Variants in PEBP4 observed in about 807,000 individuals in gnomAD.
PEBP4 encodes the protein phosphatidylethanolamine binding protein 4, also known as phosphatidylethanolamine-binding protein 4.
A neutral mutation model predicts 23.9 loss-of-function variants in PEBP4; 22 were observed. That is an observed-to-expected ratio of 0.92 (90% CI 0.66 to 1.31). The LOEUF is 1.31. PEBP4 is among the 40% of genes most tolerant of loss of function. The pLI is 0.00. For missense variants in PEBP4, 324 were observed against 281.7 expected, an observed-to-expected ratio of 1.15 and a Z score of -1.07; for synonymous variants, 112 against 99.3, an observed-to-expected ratio of 1.13 and a Z score of -0.76.
chr8:22,879,216 C>G (rs980970758), intron 3 of PEBP4: 1 of 152,242 alleles, frequency 6.6e-6, no homozygotes, highest in Non-Finnish European at 1.5e-5. Flanking sequence ...GGCCTCAACG[C>G]TCTCAATGTT....
At chr8:22,879,919 A>G (rs954913002) in intron 3 of PEBP4, among the ~76,000 whole-genome samples, 1 of 152,190 alleles carries the variant, frequency 6.6e-6, no homozygotes, top group Non-Finnish European at 1.5e-5. Flanking sequence ...TGGCACACAG[A>G]GGGGTATGTT....
intron 3 of PEBP4, among the ~76,000 whole-genome samples, chr8:22,881,202 G>T (rs925983810): frequency 1.3e-5 from 2 of 152,240 alleles, no homozygotes; most frequent in African/African-American, 2.4e-5. Context: ...GGATGCCCCA[G>T]TTTCTGGACT....
Position 22,822,352 on chromosome 8 carries a change from A to G in PEBP4, c.259-4617T>C, listed in dbSNP as rs1343459984. On this transcript the variant is annotated intron_variant, in intron 3 of 6. Coordinates refer to ENST00000256404, the MANE Select transcript of PEBP4 (RefSeq NM_144962.3). ...TAGGTGAAAAGAAGGAATATATACT[A>G]AAGTGTGTGTGTGTGTGTGTGTGTG... Among the ~76,000 whole-genome samples the G allele has an allele frequency of 5.9e-5, 5 of 84,744 alleles. No homozygotes were observed. The East Asian group carries it at 2.4e-3, about 41-fold the overall frequency. The allele number at this position is 84,744 out of a possible 152,430, so 55.6% of individuals were successfully genotyped here. A position where few individuals can be genotyped will look rare whatever the true frequency, so the allele number is the denominator to read the frequency against.
intron 3 of PEBP4, among the ~76,000 whole-genome samples, chr8:22,843,163 T>C (rs1490599905): frequency 1.3e-5 from 2 of 151,598 alleles, no homozygotes; most frequent in African/African-American, 4.9e-5. Flanking sequence ...AGGGTTTCTA[T>C]GTTTTGGCCA....
intron 3 of PEBP4, among the ~76,000 whole-genome samples, chr8:22,842,655 A>AC (rs2128765877): frequency 6.6e-6 from 1 of 152,236 alleles, no homozygotes; most frequent in Non-Finnish European, 1.5e-5. Flanking sequence ...CTGCACAGCC[A>AC]TAGGAAGGGT....
At chr8:22,815,620 A>T (rs141824626) in intron 4 of PEBP4, among the ~76,000 whole-genome samples, 3 of 152,212 alleles carry the variant, frequency 2.0e-5, no homozygotes, top group Non-Finnish European at 4.4e-5. Flanking sequence ...GAAGCAGTGC[A>T]AATGTGACGG....
intron 2 of PEBP4, among the ~76,000 whole-genome samples, chr8:22,925,550 G>A (rs1052482894): frequency 4.6e-5 from 7 of 152,196 alleles, no homozygotes; most frequent in Non-Finnish European, 7.4e-5. Flanking sequence ...TCCAGGCACC[G>A]GCAGAGCACC....
chr8:22,879,524 G>T (rs1441358177), intron 3 of PEBP4: 1 of 152,204 alleles, frequency 6.6e-6, no homozygotes, highest in Non-Finnish European at 1.5e-5. Flanking sequence ...TCCAATTCCA[G>T]CTCTTCAATC....
In PEBP4 at chr8:22,724,901, A is replaced by G. The variant is rs1450603989; in HGVS notation, c.459T>C (p.Phe153=). The change falls in exon 6 of 7, where the codon TTT becomes TTC. Residue 153 remains phenylalanine (F), a synonymous_variant. Coordinates refer to ENST00000256404, the MANE Select transcript of PEBP4 (RefSeq NM_144962.3). ...AHSGFHRYQF[F]VYLQEGKVIS... is the part of the protein sequence containing the mutation. ...TGACTTTTCCTTCCTGAAGATAGAC[A>G]AAGAACTGGTAGCGATGGAAGCCAC... The G allele has an allele frequency of 1.2e-6, 2 of 1,614,180 alleles. No homozygotes were observed. Among genetic ancestry groups the G allele is most frequent in the East Asian group, 2.2e-5 (1 of 44,888 alleles).
chr8:22,718,295 T>A (rs1804453893), intron 6 of PEBP4, among the ~76,000 whole-genome samples: 1 of 152,014 alleles, frequency 6.6e-6, no homozygotes, highest in South Asian at 2.1e-4. Context: ...GCAGCTGGGG[T>A]TGGGGCAGGA....
At position 22,766,387 on chromosome 8, in the gene PEBP4, G is replaced by C. The variant is rs373765452; in HGVS notation, c.358-39167C>G. ...CTCACGGAGCTGGCAGCCCCTTGGC[G>C]ATAACATAACCCTCTGTGCACTGGC... is the stretch of plus-strand genomic sequence containing the variant. On this transcript the variant is annotated intron_variant, in intron 4 of 6. Transcript: ENST00000256404. Among the ~76,000 whole-genome samples the C allele has an allele frequency of 7.9e-5, 12 of 152,372 alleles. 1 individual carries two copies. In the East Asian group the frequency reaches 1.5e-3, roughly 20 times the overall value.
chr8:22,859,859 T>C (rs1179118262), intron 3 of PEBP4, among the ~76,000 whole-genome samples: 2 of 151,924 alleles, frequency 1.3e-5, no homozygotes, highest in East Asian at 3.9e-4. Context: ...CCCAATCTTT[T>C]TAAAAAATAT....
At chr8:22,841,069 G>C (rs1242494338) in intron 3 of PEBP4, among the ~76,000 whole-genome samples, 1 of 152,184 alleles carries the variant, frequency 6.6e-6, no homozygotes, top group Non-Finnish European at 1.5e-5. Context: ...CATATCCCCT[G>C]ACGCATTTTA....
intron 4 of PEBP4, among the ~76,000 whole-genome samples, chr8:22,814,509 A>C (rs1806697917): frequency 1.3e-5 from 2 of 152,148 alleles, no homozygotes; most frequent in Non-Finnish European, 2.9e-5. Flanking sequence ...TATTCCTAAA[A>C]ACTCGTTGCT....
At chr8:22,911,220 A>G (rs1032213548) in intron 3 of PEBP4, among the ~76,000 whole-genome samples, 1 of 152,230 alleles carries the variant, frequency 6.6e-6, no homozygotes, top group African/African-American at 2.4e-5. Flanking sequence ...CCACATGGCC[A>G]TGATTGGGGT....
At chr8:22,853,539 G>C (rs1186623183) in intron 3 of PEBP4, among the ~76,000 whole-genome samples, 1 of 152,246 alleles carries the variant, frequency 6.6e-6, no homozygotes, top group Admixed American at 6.5e-5. Context: ...TTTTCAGAGA[G>C]AGGGTCAAAA....
chr8:22,786,877 G>A (rs1401714432), intron 4 of PEBP4, among the ~76,000 whole-genome samples: 1 of 151,684 alleles, frequency 6.6e-6, no homozygotes, highest in Non-Finnish European at 1.5e-5. Context: ...CTGAAGTGCA[G>A]TGGTATCATC....
At chr8:22,820,931 C>A (rs563988799) in intron 3 of PEBP4, among the ~76,000 whole-genome samples, 1 of 151,984 alleles carries the variant, frequency 6.6e-6, no homozygotes, top group African/African-American at 2.4e-5. Context: ...TGGTGGCTCA[C>A]ATCCGTAATC....
intron 6 of PEBP4, among the ~76,000 whole-genome samples, chr8:22,715,464 G>C (rs1804397199): frequency 6.6e-6 from 1 of 152,228 alleles, no homozygotes; most frequent in Non-Finnish European, 1.5e-5. Flanking sequence ...CGGGCTTATG[G>C]GTGAATTGGT....
Sources: allele counts gnomAD v4.1 joint callset (sites outside exome capture counted in the v4.1 genomes callset), GRCh38; gene constraint gnomAD v4.1.1; transcripts MANE v1.5; gene names NCBI Gene and HGNC (gene_info 2026-07-23, HGNC 2026-07-21).